The following BUB1 variants were observed in gnomAD, a reference collection of about 807,000 sequenced individuals.
BUB1 encodes mitotic checkpoint serine/threonine-protein kinase BUB1.
BUB1 carries 84 observed loss-of-function variants against 135.2 expected under a neutral mutation model. That is an observed-to-expected ratio of 0.62 (90% CI 0.52 to 0.74). BUB1 has a LOEUF of 0.74. Ranked by LOEUF, BUB1 falls within the 30% of genes least tolerant of loss-of-function variation. BUB1 has a pLI of 0.00. For missense variants in BUB1, 1,162 were observed against 1,288.3 expected (o/e 0.90, Z 1.50); for synonymous variants, 403 against 434.4 (o/e 0.93, Z 0.90).
intron 4 of BUB1, 127 bp downstream of exon 4, chr2:110,672,534 C>T: frequency 1.0e-6 from 1 of 983,694 alleles, no homozygotes; most frequent in African/African-American, 1.6e-5. Context: ...TTACACTATC[C>T]TGTATTATCC....
At position 110,650,744 on chromosome 2, in the gene BUB1, G is replaced by A; in HGVS notation, c.2005C>T (p.His669Tyr). The change falls in exon 18 of 25, where the codon CAC (histidine) becomes TAC (tyrosine). Residue 669 changes from histidine to tyrosine, a missense_variant. By Grantham distance (83) the His-to-Tyr change is moderately conservative. Transcript: ENST00000302759. Reference sequence around the variant, plus strand: ...CGAAGTAAGGATGCTGAATACATGTGAGACGACAAGGCCTGTTTTGGGCTT... The same window carrying A: ...CGAAGTAAGGATGCTGAATACATGTAAGACGACAAGGCCTGTTTTGGGCTT... ...EKSPKQALSS[H>Y]MYSASLLRLS... is the part of the protein sequence containing the mutation. 1 of 1,614,012 alleles carries A rather than the reference G, an allele frequency of 6.2e-7. No homozygotes were observed.
intron 17 of BUB1, among the ~76,000 whole-genome samples, 171 bp from the exon 18 acceptor site, chr2:110,650,955 C>G (rs1015883946): frequency 1.3e-5 from 2 of 151,918 alleles, no homozygotes; most frequent in Non-Finnish European, 2.9e-5. Context: ...AAATATACAG[C>G]TAGTACAATA....
At chr2:110,651,662 C>T (rs1689790982) in intron 17 of BUB1, among the ~76,000 whole-genome samples, 1 of 152,104 alleles carries the variant, frequency 6.6e-6, no homozygotes, top group Non-Finnish European at 1.5e-5. Flanking sequence ...GTTCACTCAC[C>T]ACTCACTCAC....
At position 110,641,214 on chromosome 2, in the gene BUB1, A is replaced by G. The variant is rs1437952892; in HGVS notation, c.2784-9T>C. ...CATCCTGTTCCAAAAATCTATATTA[A>G]ACACAAACAAAGCCAGGCTGCATGA... On this transcript the variant is annotated splice_polypyrimidine_tract_variant and intron_variant, in intron 22 of 24. Transcript: ENST00000302759. 1 of 1,592,168 alleles carries G rather than the reference A, an allele frequency of 6.3e-7. No homozygotes were observed.
intron 13 of BUB1, 111 bp from the exon 14 acceptor site, chr2:110,657,756 T>G (rs936516938): frequency 1.4e-6 from 1 of 702,652 alleles, no homozygotes; most frequent in South Asian, 2.7e-5. Flanking sequence ...AGAAAAGAAC[T>G]AATATCAGCT....
rs1689969113 is a variant in BUB1 at position 110,657,665 on chromosome 2, A to G, written c.1517-20T>C. The G allele has an allele frequency of 3.9e-6, 6 of 1,519,918 alleles. No individual in the cohort carries two copies. Among genetic ancestry groups the G allele is most frequent in the Non-Finnish European group, 5.3e-6 (6 of 1,122,328 alleles). The allele number at this position is 1,519,918 out of a possible 1,614,324, so 94.2% of individuals were successfully genotyped here. A position where few individuals can be genotyped will look rare whatever the true frequency, so the allele number is the denominator to read the frequency against. On this transcript the variant is annotated intron_variant, in intron 13 of 24. Transcript: ENST00000302759. ...CATTTTCTGCAACAGAATAAAAAATAGCATCTAATTATTGTACTAGGAAAA... is the reference window on the plus strand; with the variant it reads ...CATTTTCTGCAACAGAATAAAAAATGGCATCTAATTATTGTACTAGGAAAA...
chr2:110,670,681 T>A, intron 4 of BUB1, 113 bp from the exon 5 acceptor site: 1 of 1,070,648 alleles, frequency 9.3e-7, no homozygotes. Context: ...AAGTCTGACG[T>A]CAAGAGAGAA....
rs201127579 is a variant in BUB1 at position 110,669,548 on chromosome 2, T to C, written c.472A>G (p.Thr158Ala). 3 of 1,598,046 alleles carry C rather than the reference T, an allele frequency of 1.9e-6. No individual in the cohort carries two copies. Among genetic ancestry groups the C allele is most frequent in the East Asian group, 4.5e-5 (2 of 44,806 alleles). Residue 158 changes from threonine (T) to alanine (A), a missense_variant, in exon 6 of 25, where the codon ACC (threonine) becomes GCC (alanine). Thr to Ala is a moderately conservative substitution (Grantham distance 58, BLOSUM62 0). Coordinates refer to ENST00000302759, the MANE Select transcript of BUB1 (RefSeq NM_004336.5). ...TGAACATTATGCAGAGGTTCTGAGG[T>C]TCTAGCTATGAGGGAAAAGAGGATA... Reference protein sequence around the residue: ...TETHLPAQARTSEPLHNVQVL... With the variant: ...TETHLPAQARASEPLHNVQVL...
intron 14 of BUB1, among the ~76,000 whole-genome samples, 153 bp downstream of exon 14, chr2:110,657,393 C>G (rs1297841637): frequency 6.6e-6 from 1 of 152,108 alleles, no homozygotes; most frequent in Non-Finnish European, 1.5e-5. Flanking sequence ...TACTGTAAAT[C>G]TGGAGAACTT....
Position 110,663,811 on chromosome 2 carries a change from G to A in BUB1, c.958-1970C>T, listed in dbSNP as rs878882041. On this transcript the variant is annotated intron_variant, in intron 9 of 24. Transcript: ENST00000302759. The stretch of plus-strand genomic sequence containing the variant: ...TGGGGGGCCAAGGTGGGCGGATCAC[G>A]AGGTCAGGAGATCAAGACCATCCTG... Among the ~76,000 whole-genome samples, 72 of 152,116 alleles carry A rather than the reference G, an allele frequency of 4.7e-4. 3 individuals carry two copies. The highest frequency in any genetic ancestry group is 1.6e-4 in the Non-Finnish European group (11 of 68,008).
At chr2:110,644,350 A>C (rs1245193616) in intron 19 of BUB1, among the ~76,000 whole-genome samples, 1 of 151,712 alleles carries the variant, frequency 6.6e-6, no homozygotes, top group Non-Finnish European at 1.5e-5. Context: ...GGTGGTGGGC[A>C]TCTGTAGTCC....
intron 9 of BUB1, among the ~76,000 whole-genome samples, chr2:110,663,527 T>G (rs1690155783): frequency 6.6e-6 from 1 of 152,158 alleles, no homozygotes; most frequent in Admixed American, 6.5e-5. Context: ...AAGGGAGGCT[T>G]CTAGTTAAAG....
At chr2:110,652,762 T>A (rs1689819135) in intron 17 of BUB1, among the ~76,000 whole-genome samples, 1 of 152,206 alleles carries the variant, frequency 6.6e-6, no homozygotes, top group Non-Finnish European at 1.5e-5. Context: ...ATACATGCAA[T>A]TTCATACACT....
chr2:110,665,016 AT>A (rs1690206176), intron 9 of BUB1, among the ~76,000 whole-genome samples: 1 of 152,202 alleles, frequency 6.6e-6, no homozygotes, highest in Admixed American at 6.5e-5. Flanking sequence ...GACTGACAGC[AT>A]TTTAGGTACA....
At chr2:110,651,058 G>T (rs1390177129) in intron 17 of BUB1, among the ~76,000 whole-genome samples, 1 of 152,052 alleles carries the variant, frequency 6.6e-6, no homozygotes, top group Admixed American at 6.6e-5. Flanking sequence ...GTCAGGAGTG[G>T]GTTTATTTCT....
chr2:110,639,185 C>G (rs1257127861), intron 24 of BUB1, among the ~76,000 whole-genome samples: 1 of 151,992 alleles, frequency 6.6e-6, no homozygotes, highest in Non-Finnish European at 1.5e-5. Flanking sequence ...TCCATGTTGA[C>G]AGGAAGAGCT....
At position 110,657,578 on chromosome 2, in the gene BUB1, A is replaced by G. The variant is rs1217014709; in HGVS notation, c.1584T>C (p.His528=). Residue 528 remains histidine, a synonymous_variant, in exon 14 of 25, where the codon CAT becomes CAC. Transcript: ENST00000302759. ...KIISSLSSAF[H]VFEDGNKENY... is the part of the protein sequence containing the mutation. ...TTTCTTTGTTTCCATCTTCAAACACATGAAAAGCAGATGACAAAGAAGAGA... is the reference window on the plus strand; with the variant it reads ...TTTCTTTGTTTCCATCTTCAAACACGTGAAAAGCAGATGACAAAGAAGAGA... 1 of 1,608,738 alleles carries G rather than the reference A, an allele frequency of 6.2e-7. No homozygotes were observed. Among genetic ancestry groups the G allele is most frequent in the Non-Finnish European group, 8.5e-7 (1 of 1,177,534 alleles).
chr2:110,667,617 A>G lies in BUB1; in HGVS notation c.709T>C (p.Tyr237His). 2 of 1,614,058 alleles carry G rather than the reference A, an allele frequency of 1.2e-6. No individual in the cohort carries two copies. Among genetic ancestry groups the G allele is most frequent in the Non-Finnish European group, 1.7e-6 (2 of 1,179,980 alleles). Reference sequence around the variant, plus strand: ...CCACGAATAAGCTTCTCCTTGCAATACATAACAACCTGCTCAACATCAACT... The same window carrying G: ...CCACGAATAAGCTTCTCCTTGCAATGCATAACAACCTGCTCAACATCAACT... ...SKVDVEQVVM[Y>H]CKEKLIRGES... The change falls in exon 8 of 25, where the codon TAT (tyrosine) becomes CAT (histidine). Residue 237 changes from tyrosine to histidine, a missense_variant. By Grantham distance (83) the Tyr-to-His change is moderately conservative (BLOSUM62 2). Transcript: ENST00000302759.
At position 110,669,506 on chromosome 2, in the gene BUB1, T is replaced by A. The variant is rs761319655; in HGVS notation, c.514A>T (p.Ile172Leu). 4.3e-6 allele frequency: 7 copies of A among 1,609,758 alleles called. No individual in the cohort carries two copies. The Admixed American group carries it at 1.2e-4, about 27-fold the overall frequency. Residue 172 changes from isoleucine (I) to leucine (L), a missense_variant, in exon 6 of 25, where the codon ATA (isoleucine) becomes TTA (leucine). By Grantham distance (5) the Ile-to-Leu change is conservative. Transcript: ENST00000302759. ...TTTCCTGGATTTGATTTTGATGTTA[T>A]CATTTGATTTAAAACCTGAACATTA... ...LHNVQVLNQM[I>L]TSKSNPGNNM...
Sources: allele counts gnomAD v4.1 joint callset (sites outside exome capture counted in the v4.1 genomes callset), GRCh38; gene constraint gnomAD v4.1.1; transcripts MANE v1.5; gene names NCBI Gene and HGNC (gene_info 2026-07-23, HGNC 2026-07-21).